GJB7: variants seen among roughly 807,000 people sequenced by gnomAD.
GJB7 encodes the protein gap junction protein beta 7, also known as gap junction beta-7 protein.
For synonymous variants in GJB7, 87 were observed against 95.2 expected (o/e 0.91, Z 0.50); for missense variants, 253 against 256.8 (o/e 0.99, Z 0.10).
intron 2 of GJB7, among the ~76,000 whole-genome samples, chr6:87,297,261 G>C (rs56678817): frequency 0.089 from 13,506 of 152,238 alleles, 1,047 homozygotes; most frequent in African/African-American, 0.21. Flanking sequence ...TTATGGTATA[G>C]GGGTAGCTTC....
intron 2 of GJB7, chr6:87,298,958 T>C (rs1776283760): frequency 4.4e-6 from 2 of 454,510 alleles, no homozygotes; most frequent in South Asian, 3.5e-5. Context: ...ATTGATCAAC[T>C]GGGGAAGTTC....
chr6:87,289,441 T>C (rs998090359), intron 2 of GJB7, among the ~76,000 whole-genome samples: 2 of 152,238 alleles, frequency 1.3e-5, no homozygotes, highest in African/African-American at 4.8e-5. Flanking sequence ...CACATAACAA[T>C]TGATTCTCAT....
chr6:87,327,481 C>T (rs1306295063), intron 1 of GJB7, among the ~76,000 whole-genome samples: 1 of 151,648 alleles, frequency 6.6e-6, no homozygotes, highest in Non-Finnish European at 1.5e-5. Flanking sequence ...ATTTGCTTGT[C>T]TGTAAAGTAT....
At chr6:87,320,145 A>G (rs558611732) in intron 2 of GJB7, among the ~76,000 whole-genome samples, 1 of 152,324 alleles carries the variant, frequency 6.6e-6, no homozygotes, top group South Asian at 2.1e-4. Flanking sequence ...AGTTGATTGT[A>G]CATTTAAAAA....
intron 1 of GJB7, among the ~76,000 whole-genome samples, chr6:87,326,301 TCTG>T (rs1450647198): frequency 6.6e-6 from 1 of 152,254 alleles, no homozygotes; most frequent in East Asian, 1.9e-4. Context: ...TTTCTTGCCT[TCTG>T]CTAGCTTTTG....
intron 2 of GJB7, among the ~76,000 whole-genome samples, chr6:87,301,839 G>A (rs1776333294): frequency 6.6e-6 from 1 of 152,218 alleles, no homozygotes; most frequent in African/African-American, 2.4e-5. Flanking sequence ...AGCTTCCAGA[G>A]GAATGATCAG....
intron 1 of GJB7, 128 bp from the exon 2 acceptor site, chr6:87,323,171 C>G (rs1216311295): frequency 6.6e-6 from 1 of 152,234 alleles, no homozygotes; most frequent in Non-Finnish European, 1.5e-5. Flanking sequence ...AGATGAGACT[C>G]AGATTGTCAG....
intron 2 of GJB7, among the ~76,000 whole-genome samples, chr6:87,316,558 T>C (rs1776587415): frequency 6.6e-6 from 1 of 152,178 alleles, no homozygotes; most frequent in African/African-American, 2.4e-5. Flanking sequence ...TAGATGTATA[T>C]TTTAGAAAGG....
At chr6:87,298,205 A>G (rs76765320) in intron 2 of GJB7, among the ~76,000 whole-genome samples, 118 of 152,368 alleles carry the variant, frequency 7.7e-4, no homozygotes, top group African/African-American at 2.6e-3. Flanking sequence ...GTCTGAAGGC[A>G]TCAGAGAGCC....
chr6:87,290,712 C>A (rs902259800), intron 2 of GJB7, among the ~76,000 whole-genome samples: 4 of 152,176 alleles, frequency 2.6e-5, no homozygotes, highest in Admixed American at 2.6e-4. Flanking sequence ...CCAATCCAGT[C>A]CACCACCTGT....
chr6:87,286,176 C>T (rs1582552037), intron 2 of GJB7, among the ~76,000 whole-genome samples: 1 of 152,278 alleles, frequency 6.6e-6, no homozygotes, highest in East Asian at 1.9e-4. Flanking sequence ...TCCTGACTCT[C>T]CCTAAACCTA....
intron 2 of GJB7, among the ~76,000 whole-genome samples, chr6:87,300,738 C>A (rs1163038725): frequency 6.6e-6 from 1 of 152,196 alleles, no homozygotes; most frequent in Non-Finnish European, 1.5e-5. Context: ...CAACTTAAAT[C>A]ACAGAGGTAT....
intron 2 of GJB7, among the ~76,000 whole-genome samples, chr6:87,313,967 T>C (rs1480419951): frequency 6.6e-6 from 1 of 152,238 alleles, no homozygotes; most frequent in Non-Finnish European, 1.5e-5. Context: ...GCTGAGGGGA[T>C]GTGGATGTTT....
chr6:87,306,918 G>A (rs978137014), intron 2 of GJB7, among the ~76,000 whole-genome samples: 9 of 151,992 alleles, frequency 5.9e-5, no homozygotes, highest in Non-Finnish European at 8.8e-5. Flanking sequence ...GTGAACTATC[G>A]CAAGAACAAG....
intron 2 of GJB7, chr6:87,299,107 T>C (rs944811985): frequency 6.1e-6 from 3 of 495,646 alleles, no homozygotes; most frequent in Admixed American, 2.1e-5. Flanking sequence ...CCAGTGCTAT[T>C]GTACTGCCAT....
rs367851874 is a variant in GJB7 at position 87,303,424 on chromosome 6, CAAAG to C, written c.-27-18489_-27-18486del. 6.0e-4 allele frequency among the ~76,000 whole-genome samples: 92 copies of C among 152,156 alleles called. No individual in the cohort carries two copies. The East Asian group carries it at 0.015, about 25-fold the overall frequency. On this transcript the variant is annotated intron_variant, in intron 2 of 2. Coordinates refer to ENST00000525899, the MANE Select transcript of GJB7 (RefSeq NM_198568.3). ...TTAAACCAACAAAGATCAAAAGAGA[CAAAG>C]AAGGCCATTACATAAAGGTAAAGGG... is the stretch of plus-strand genomic sequence containing the variant.
chr6:87,309,483 A>G (rs1013109784), intron 2 of GJB7, among the ~76,000 whole-genome samples: 1 of 152,184 alleles, frequency 6.6e-6, no homozygotes, highest in Non-Finnish European at 1.5e-5. Flanking sequence ...CCACAATTGC[A>G]CAGTCCAATT....
chr6:87,321,226 CAAAA>C (rs56855977), intron 2 of GJB7, among the ~76,000 whole-genome samples: 8 of 101,374 alleles, frequency 7.9e-5, no homozygotes, highest in Non-Finnish European at 6.0e-5. Context: ...CACTCCATCT[CAAAA>C]AAAAAAAAAA....
intron 2 of GJB7, among the ~76,000 whole-genome samples, chr6:87,308,134 C>G (rs974680626): frequency 6.6e-6 from 1 of 151,916 alleles, no homozygotes; most frequent in Non-Finnish European, 1.5e-5. Flanking sequence ...GGAGAAAAAA[C>G]CAAACACCGC....
Sources: gnomAD v4.1 joint callset for allele counts (sites outside exome capture counted in the v4.1 genomes callset) on GRCh38, gnomAD v4.1.1 for gene constraint, MANE v1.5 for transcripts, NCBI Gene and HGNC (gene_info 2026-07-23, HGNC 2026-07-21) for gene names.